The following MCOLN2 variants were observed in gnomAD, a reference collection of about 807,000 sequenced individuals.
MCOLN2 encodes mucolipin-2.
In MCOLN2, 57 loss-of-function variants were observed where a neutral mutation model predicts 67.5. That is an observed-to-expected ratio of 0.84 (90% CI 0.68 to 1.05). MCOLN2 has a LOEUF of 1.05. Among genes scored for constraint, MCOLN2 ranks in the 50% least tolerant of loss-of-function variants. The probability of loss-of-function intolerance (pLI) is 0.00; values close to 1 mark genes in which losing one functional copy is unlikely to be tolerated. For synonymous variants in MCOLN2, 246 were observed against 233.3 expected (o/e 1.05, Z -0.50); for missense variants, 620 against 678.8 (o/e 0.91, Z 0.96).
rs559929986 is a variant in MCOLN2 at position 84,930,267 on chromosome 1, T to A, written c.1543-588A>T. Among the ~76,000 whole-genome samples the A allele has an allele frequency of 1.1e-3, 165 of 149,290 alleles. 1 individual carries two copies. Among genetic ancestry groups the A allele is most frequent in the African/African-American group, 4.1e-3 (160 of 39,052 alleles). On this transcript the variant is annotated intron_variant, in intron 12 of 13. Coordinates refer to ENST00000370608, the MANE Select transcript of MCOLN2 (RefSeq NM_153259.4). ...AACAGAGCAAGACCCTCTCTCTTTT[T>A]TTAAAAAAAAAAAAAGTCTAAACTT... is the stretch of plus-strand genomic sequence containing the variant.
Position 84,926,475 on chromosome 1 carries a change from A to G in MCOLN2, c.*210T>C, listed in dbSNP as rs1661163322. ...CTGTTATATTGCACTAATGCCCAGTAGTAGCCCATGGTCTATTCTTTATCA... is the reference window on the plus strand; with the variant it reads ...CTGTTATATTGCACTAATGCCCAGTGGTAGCCCATGGTCTATTCTTTATCA... On this transcript the variant is annotated 3_prime_UTR_variant, in exon 14 of 14. Transcript: ENST00000370608. The G allele has an allele frequency of 2.5e-6, 1 of 407,146 alleles. No individual in the cohort carries two copies. Among genetic ancestry groups the G allele is most frequent in the Non-Finnish European group, 4.4e-6 (1 of 227,860 alleles). The allele number at this position is 407,146 out of a possible 1,614,324, so 25.2% of individuals were successfully genotyped here.
intron 7 of MCOLN2, 115 bp downstream of exon 7, chr1:84,946,918 C>T (rs957607829): frequency 2.5e-5 from 15 of 597,850 alleles, no homozygotes; most frequent in African/African-American, 1.1e-4. Flanking sequence ...ATCTAATGCT[C>T]GAGGCGGTTT....
intron 3 of MCOLN2, among the ~76,000 whole-genome samples, chr1:84,957,831 G>A (rs79430867): frequency 0.01 from 1,571 of 152,254 alleles, 31 homozygotes; most frequent in African/African-American, 0.036. Context: ...CGCTTTGTCT[G>A]TTTTATTCAC....
At chr1:84,944,670 G>A (rs1406970206) in intron 7 of MCOLN2, among the ~76,000 whole-genome samples, 1 of 152,160 alleles carries the variant, frequency 6.6e-6, no homozygotes, top group African/African-American at 2.4e-5. Flanking sequence ...GTTAAATGAA[G>A]ACATGGCACA....
intron 11 of MCOLN2, among the ~76,000 whole-genome samples, chr1:84,932,315 G>A (rs534444616): frequency 2.0e-5 from 3 of 152,050 alleles, no homozygotes; most frequent in Non-Finnish European, 4.4e-5. Flanking sequence ...GTGTTCAAGC[G>A]ATTCTCATGT....
intron 1 of MCOLN2, among the ~76,000 whole-genome samples, chr1:84,972,997 G>A (rs1039854570): frequency 6.6e-6 from 1 of 152,152 alleles, no homozygotes; most frequent in African/African-American, 2.4e-5. Flanking sequence ...TTTATCCCCT[G>A]CTGCAGTTGT....
intron 1 of MCOLN2, among the ~76,000 whole-genome samples, chr1:84,992,675 T>C (rs1222093655): frequency 1.3e-5 from 2 of 152,206 alleles, no homozygotes; most frequent in Non-Finnish European, 2.9e-5. Context: ...TCACACAAAT[T>C]TTTTGGTTTT....
chr1:84,980,671 C>A (rs781020474), intron 1 of MCOLN2, among the ~76,000 whole-genome samples: 9 of 152,074 alleles, frequency 5.9e-5, no homozygotes, highest in Non-Finnish European at 1.3e-4. Context: ...ATACAAAAAT[C>A]AAATCAAAAT....
intron 6 of MCOLN2, among the ~76,000 whole-genome samples, 198 bp downstream of exon 6, chr1:84,952,045 C>T (rs1395266547): frequency 6.6e-6 from 1 of 152,096 alleles, no homozygotes; most frequent in Non-Finnish European, 1.5e-5. Context: ...TGAGATCACG[C>T]CACTGCACTC....
At chr1:84,953,155 T>A (rs1473535705) in intron 4 of MCOLN2, among the ~76,000 whole-genome samples, 1 of 152,166 alleles carries the variant, frequency 6.6e-6, no homozygotes, top group African/African-American at 2.4e-5. Flanking sequence ...GTTCTTGTTT[T>A]GGGGAAATGC....
At chr1:84,988,486 T>C (rs1168620576) in intron 1 of MCOLN2, among the ~76,000 whole-genome samples, 2 of 152,194 alleles carry the variant, frequency 1.3e-5, no homozygotes. Flanking sequence ...TAGCAAAGTA[T>C]ACTTTGCTCT....
intron 6 of MCOLN2, 97 bp downstream of exon 6, chr1:84,952,146 T>A (rs1272912434): frequency 1.3e-6 from 1 of 748,634 alleles, no homozygotes; most frequent in Non-Finnish European, 2.2e-6. Context: ...ATGACTGCAT[T>A]TAACACATCT....
At chr1:84,990,290 T>A (rs1224926984) in intron 1 of MCOLN2, among the ~76,000 whole-genome samples, 2 of 81,934 alleles carry the variant, frequency 2.4e-5, no homozygotes, top group South Asian at 4.9e-4. Flanking sequence ...AGAATGAGAC[T>A]CCATCTCAAA....
intron 1 of MCOLN2, among the ~76,000 whole-genome samples, chr1:84,970,725 G>GT (rs1649635606): frequency 6.6e-6 from 1 of 152,106 alleles, no homozygotes; most frequent in Admixed American, 6.6e-5. Context: ...TGTGAGCCAT[G>GT]CTCTGCTGGA....
At chr1:84,968,383 C>A (rs187075271) in intron 1 of MCOLN2, among the ~76,000 whole-genome samples, 80 of 152,226 alleles carry the variant, frequency 5.3e-4, no homozygotes, top group East Asian at 5.8e-4. Flanking sequence ...CCACAGAACT[C>A]TGTGTCTTAG....
chr1:84,973,188 T>A (rs1039815131), intron 1 of MCOLN2, among the ~76,000 whole-genome samples: 2 of 152,146 alleles, frequency 1.3e-5, no homozygotes, highest in African/African-American at 4.8e-5. Context: ...GTCAGTAACA[T>A]CTGATGGGAC....
At chr1:84,976,782 C>T (rs1650012695) in intron 1 of MCOLN2, among the ~76,000 whole-genome samples, 1 of 152,044 alleles carries the variant, frequency 6.6e-6, no homozygotes. Flanking sequence ...AAGATTTTCC[C>T]AGACAAACAA....
At chr1:84,973,862 T>C (rs1457570678) in intron 1 of MCOLN2, among the ~76,000 whole-genome samples, 2 of 152,184 alleles carry the variant, frequency 1.3e-5, no homozygotes, top group East Asian at 1.9e-4. Flanking sequence ...CACTACCTGC[T>C]TTTAACTTTG....
intron 1 of MCOLN2, among the ~76,000 whole-genome samples, chr1:84,983,637 T>C (rs1571038092): frequency 6.6e-6 from 1 of 152,138 alleles, no homozygotes; most frequent in African/African-American, 2.4e-5. Context: ...GTGCAACTAC[T>C]TTTATCTGTC....
Sources: gnomAD v4.1 joint callset for allele counts (sites outside exome capture counted in the v4.1 genomes callset) on GRCh38, gnomAD v4.1.1 for gene constraint, MANE v1.5 for transcripts, NCBI Gene and HGNC (gene_info 2026-07-23, HGNC 2026-07-21) for gene names.